The following TACR3 variants were observed in gnomAD, a reference collection of about 807,000 sequenced individuals.
The protein encoded by TACR3 is tachykinin receptor 3, also known as neuromedin-K receptor.
Under a neutral mutation model 35.0 loss-of-function variants are expected in TACR3, and 34 were observed. That is an observed-to-expected ratio of 0.97 (90% CI 0.74 to 1.30). The LOEUF (loss-of-function observed/expected upper bound fraction) is 1.30. Among genes scored for constraint, TACR3 ranks in the 50% most tolerant of loss-of-function variants. The pLI is 0.00. For missense variants in TACR3, 558 were observed against 591.7 expected (o/e 0.94, Z 0.59); for synonymous variants, 233 against 221.1 (o/e 1.05, Z -0.48).
chr4:103,681,429 T>G (rs549103486), intron 1 of TACR3, among the ~76,000 whole-genome samples: 21 of 152,168 alleles, frequency 1.4e-4, no homozygotes, highest in South Asian at 8.3e-4. Context: ...AATTTGTAGC[T>G]TAATGGACCT....
At chr4:103,613,036 T>C (rs1352189228) in intron 3 of TACR3, among the ~76,000 whole-genome samples, 1 of 152,212 alleles carries the variant, frequency 6.6e-6, no homozygotes, top group Non-Finnish European at 1.5e-5. Flanking sequence ...AGTTTCCCTT[T>C]AGAGTCTCTT....
intron 1 of TACR3, among the ~76,000 whole-genome samples, chr4:103,697,447 C>T (rs540422389): frequency 2.2e-4 from 32 of 143,654 alleles, no homozygotes; most frequent in African/African-American, 5.0e-4. Context: ...TATTTTGAGA[C>T]GGAGTCTCCT....
intron 3 of TACR3, among the ~76,000 whole-genome samples, chr4:103,594,594 C>G (rs897422961): frequency 1.2e-4 from 19 of 152,138 alleles, no homozygotes; most frequent in African/African-American, 4.3e-4. Context: ...ATCTTTTATA[C>G]AGACTGACTA....
At chr4:103,701,692 C>T (rs1343570685) in intron 1 of TACR3, among the ~76,000 whole-genome samples, 2 of 152,034 alleles carry the variant, frequency 1.3e-5, no homozygotes, top group Non-Finnish European at 2.9e-5. Flanking sequence ...GTACTGGTAC[C>T]AAAACAGAGA....
chr4:103,604,594 G>T (rs1724302099), intron 3 of TACR3, among the ~76,000 whole-genome samples: 1 of 152,100 alleles, frequency 6.6e-6, no homozygotes, highest in Non-Finnish European at 1.5e-5. Context: ...TACCATGAGT[G>T]AACAGGCAAC....
At chr4:103,654,387 G>A (rs1725686299) in intron 3 of TACR3, among the ~76,000 whole-genome samples, 1 of 141,340 alleles carries the variant, frequency 7.1e-6, no homozygotes, top group Admixed American at 6.9e-5. Context: ...ATGAGTTCAT[G>A]TCCTTTGTAG....
intron 2 of TACR3, among the ~76,000 whole-genome samples, chr4:103,656,985 G>A (rs776681712): frequency 2.9e-4 from 38 of 132,720 alleles, no homozygotes; most frequent in African/African-American, 7.0e-4. Context: ...AAAACATGTC[G>A]ACATAGTAGT....
At chr4:103,670,789 T>C (rs1242364181) in intron 1 of TACR3, among the ~76,000 whole-genome samples, 2 of 152,026 alleles carry the variant, frequency 1.3e-5, no homozygotes. Context: ...TTCTTTCTAA[T>C]TTGGATATGC....
intron 1 of TACR3, among the ~76,000 whole-genome samples, chr4:103,691,808 C>T (rs1722410043): frequency 6.6e-6 from 1 of 152,212 alleles, no homozygotes; most frequent in Non-Finnish European, 1.5e-5. Context: ...GGACATGCTC[C>T]TGCTACAGTT....
At chr4:103,675,856 G>A (rs1726158967) in intron 1 of TACR3, among the ~76,000 whole-genome samples, 1 of 152,094 alleles carries the variant, frequency 6.6e-6, no homozygotes, top group Non-Finnish European at 1.5e-5. Context: ...CCTGAGTGGA[G>A]GGGAGGGGGC....
At chr4:103,685,102 T>A (rs923055163) in intron 1 of TACR3, among the ~76,000 whole-genome samples, 2 of 151,976 alleles carry the variant, frequency 1.3e-5, no homozygotes, top group East Asian at 3.9e-4. Context: ...GTTGGGGGAA[T>A]CACTCTATCA....
intron 3 of TACR3, among the ~76,000 whole-genome samples, chr4:103,652,290 C>T (rs1034477694): frequency 6.6e-6 from 1 of 152,162 alleles, no homozygotes; most frequent in Non-Finnish European, 1.5e-5. Flanking sequence ...TGACTCCCAT[C>T]TGGCTAGGGC....
At position 103,719,749 on chromosome 4, in the gene TACR3, T is replaced by A; in HGVS notation, c.-74A>T. 1 of 1,574,412 alleles carries A rather than the reference T, an allele frequency of 6.4e-7. No individual in the cohort carries two copies. The highest frequency in any genetic ancestry group is 8.6e-7 in the Non-Finnish European group (1 of 1,161,726). On this transcript the variant is annotated 5_prime_UTR_variant, in exon 1 of 5. Coordinates refer to ENST00000304883, the MANE Select transcript of TACR3 (RefSeq NM_001059.3). ...CAAGACGAGACTCCTCTGAAGTTCT[T>A]CTCTGCCTCCTGGTCACTTTGGTGC...
chr4:103,600,249 A>T (rs1724162558), intron 3 of TACR3, among the ~76,000 whole-genome samples: 1 of 152,078 alleles, frequency 6.6e-6, no homozygotes, highest in Non-Finnish European at 1.5e-5. Context: ...GCATAGAGGT[A>T]TTTATAGTAT....
chr4:103,642,111 A>G (rs1406637048), intron 3 of TACR3, among the ~76,000 whole-genome samples: 1 of 151,730 alleles, frequency 6.6e-6, no homozygotes, highest in Non-Finnish European at 1.5e-5. Context: ...TGCTAAGAGA[A>G]TAAATTTCAA....
Position 103,656,020 on chromosome 4 carries a change from T to C in TACR3, c.888+174A>G, listed in dbSNP as rs78047097. ...ATTATATAACAGACTGATTACAGTA[T>C]GTGGACAGCAGCTTATACAAAACCA... On this transcript the variant is annotated intron_variant, in intron 3 of 4. Coordinates refer to ENST00000304883, the MANE Select transcript of TACR3 (RefSeq NM_001059.3). Among the ~76,000 whole-genome samples the C allele has an allele frequency of 0.011, 1,731 of 152,146 alleles. 34 individuals are homozygous for C. The highest frequency in any genetic ancestry group is 0.057 in the South Asian group (277 of 4,824).
chr4:103,591,181 T>C, intron 4 of TACR3: 1 of 415,440 alleles, frequency 2.4e-6, no homozygotes, highest in South Asian at 2.7e-5. Flanking sequence ...CCTTTAATCA[T>C]GAGGGCACTT....
At chr4:103,597,457 ATTT>A (rs1724059955) in intron 3 of TACR3, among the ~76,000 whole-genome samples, 2 of 151,874 alleles carry the variant, frequency 1.3e-5, no homozygotes, top group Admixed American at 1.3e-4. Flanking sequence ...TTTTTTTTAA[ATTT>A]TATTATTATT....
chr4:103,702,249 C>A (rs1164770067), intron 1 of TACR3, among the ~76,000 whole-genome samples: 3 of 152,116 alleles, frequency 2.0e-5, no homozygotes, highest in Non-Finnish European at 4.4e-5. Context: ...AGGATATGAA[C>A]ACACACTTTT....
Sources: gnomAD v4.1 joint callset for allele counts (sites outside exome capture counted in the v4.1 genomes callset) on GRCh38, gnomAD v4.1.1 for gene constraint, MANE v1.5 for transcripts, NCBI Gene and HGNC (gene_info 2026-07-23, HGNC 2026-07-21) for gene names.